The following UROS variants were observed in gnomAD, a reference collection of about 807,000 sequenced individuals.
The protein encoded by UROS is uroporphyrinogen III synthase, also known as uroporphyrinogen-III synthase.
In UROS, 18 loss-of-function variants were observed where a neutral mutation model predicts 33.0. The observed-to-expected ratio is 0.55, with a 90% CI of 0.38 to 0.81. The LOEUF (loss-of-function observed/expected upper bound fraction) is 0.81. Among genes scored for constraint, UROS ranks in the 30% least tolerant of loss-of-function variants. The pLI is 0.00. For missense variants in UROS, 293 were observed against 314.9 expected (o/e 0.93, Z 0.53); for synonymous variants, 114 against 121.1 (o/e 0.94, Z 0.38).
chr10:125,807,515 T>TTTG, intron 5 of UROS, 28 bp from the exon 6 acceptor site: 1 of 1,574,934 alleles, frequency 6.3e-7, no homozygotes, highest in Non-Finnish European at 8.7e-7. Flanking sequence ...AATGTATTTC[T>TTTG]TAACACGGTT....
At chr10:125,817,859 A>C (rs1392274301) in intron 1 of UROS, among the ~76,000 whole-genome samples, 1 of 152,178 alleles carries the variant, frequency 6.6e-6, no homozygotes, top group East Asian at 1.9e-4. Context: ...TTGAATACGA[A>C]AATGTTTGGG....
Position 125,788,863 on chromosome 10 carries a change from C to A in UROS, c.*5G>T. On this transcript the variant is annotated 3_prime_UTR_variant, in exon 10 of 10. Coordinates refer to ENST00000368797, the MANE Select transcript of UROS (RefSeq NM_000375.3). ...GCTGCATGGGGCCAGCGCTAGGTGGCTGACTCAGCAGCAGCCATGGGGCTG... is the reference window on the plus strand; with the variant it reads ...GCTGCATGGGGCCAGCGCTAGGTGGATGACTCAGCAGCAGCCATGGGGCTG... 6.3e-7 allele frequency: 1 copy of A among 1,582,290 alleles called. No individual in the cohort carries two copies. Among genetic ancestry groups the A allele is most frequent in the Non-Finnish European group, 8.6e-7 (1 of 1,166,158 alleles).
chr10:125,814,960 G>C, intron 4 of UROS, 74 bp downstream of exon 4: 1 of 1,527,368 alleles, frequency 6.5e-7, no homozygotes, highest in South Asian at 1.2e-5. Flanking sequence ...AGCTGCTTCT[G>C]GAATTTAGTC....
At chr10:125,812,442 T>A (rs1005678776) in intron 4 of UROS, among the ~76,000 whole-genome samples, 154 bp from the exon 5 acceptor site, 2 of 152,262 alleles carry the variant, frequency 1.3e-5, no homozygotes, top group African/African-American at 4.8e-5. Flanking sequence ...AATTCCATTT[T>A]CACTTTGTTC....
At chr10:125,790,920 C>T (rs1311706896) in intron 9 of UROS, among the ~76,000 whole-genome samples, 1 of 151,610 alleles carries the variant, frequency 6.6e-6, no homozygotes, top group African/African-American at 2.4e-5. Context: ...GTGAAACCCC[C>T]ATCTCTACTA....
chr10:125,793,226 T>A (rs10901433), intron 9 of UROS: 47,076 of 151,776 alleles, frequency 0.31, 7,481 homozygotes, highest in East Asian at 0.4. Flanking sequence ...TATGCTCACT[T>A]TGAAAGAAGA....
intron 6 of UROS, among the ~76,000 whole-genome samples, chr10:125,798,862 C>T (rs1389279995): frequency 6.6e-6 from 1 of 152,156 alleles, no homozygotes; most frequent in Admixed American, 6.5e-5. Flanking sequence ...ATTTGAATGC[C>T]AATTTGCAAC....
intron 6 of UROS, among the ~76,000 whole-genome samples, chr10:125,804,446 C>A (rs1409619258): frequency 1.3e-5 from 2 of 152,196 alleles, no homozygotes; most frequent in Admixed American, 6.5e-5. Flanking sequence ...AAAATCAGTA[C>A]ACATAAGTGT....
At chr10:125,809,745 AAT>A (rs1442224041) in intron 5 of UROS, among the ~76,000 whole-genome samples, 1 of 151,934 alleles carries the variant, frequency 6.6e-6, no homozygotes, top group Non-Finnish European at 1.5e-5. Context: ...TTTTCAAATA[AAT>A]AGAGACAGGG....
chr10:125,816,527 T>A lies in UROS; in HGVS notation c.-26-2A>T. The A allele has an allele frequency of 6.2e-7, 1 of 1,614,174 alleles. No homozygotes were observed. Among genetic ancestry groups the A allele is most frequent in the Non-Finnish European group, 8.5e-7 (1 of 1,180,022 alleles). ...TTGCCTGGCAGTCCTTATAGGGCAC[T>A]GCGACAGAGCAAGGAAACAGATCTT... On this transcript the variant is annotated splice_acceptor_variant, in intron 1 of 9. Transcript: ENST00000368797. LOFTEE classifies it low-confidence loss of function (5UTR_SPLICE).
At chr10:125,803,993 C>T (rs1008688516) in intron 6 of UROS, among the ~76,000 whole-genome samples, 9 of 152,232 alleles carry the variant, frequency 5.9e-5, no homozygotes, top group Non-Finnish European at 1.0e-4. Context: ...GGAAATATTT[C>T]GTTTTCCTCC....
chr10:125,788,247 CT>C (rs1273490829), downstream of UROS, among the ~76,000 whole-genome samples: 1 of 152,230 alleles, frequency 6.6e-6, no homozygotes, highest in Non-Finnish European at 1.5e-5. Context: ...TTTCCAAAGC[CT>C]TTCTGCAGGG....
intron 8 of UROS, chr10:125,795,377 C>G: frequency 3.3e-6 from 1 of 300,824 alleles, no homozygotes; most frequent in Non-Finnish European, 6.4e-6. Context: ...AGCAAGCAGA[C>G]AAGCCTGCCT....
chr10:125,797,276 G>C (rs1280556888), intron 7 of UROS, among the ~76,000 whole-genome samples: 3 of 152,176 alleles, frequency 2.0e-5, no homozygotes. Context: ...GTTCCATGGA[G>C]AGCTTGCCTT....
rs758965466 is a variant in UROS, at chr10:125,816,461, G to A, written c.39C>T (p.Asp13=). The A allele has an allele frequency of 1.4e-5, 22 of 1,614,084 alleles. No homozygotes were observed. The South Asian group carries it at 2.4e-4, about 18-fold the overall frequency. Residue 13 remains aspartate, a synonymous_variant, in exon 2 of 10, where the codon GAC becomes GAT. Transcript: ENST00000368797. ...VLLLKDAKED[D]CGQDPYIREL... is the part of the protein sequence containing the mutation. ...CCCTGATATACGGATCCTGGCCACA[G>A]TCATCTTCCTTCGCATCCTTCAGTA...
At chr10:125,803,468 C>T (rs1413905975) in intron 6 of UROS, among the ~76,000 whole-genome samples, 1 of 152,210 alleles carries the variant, frequency 6.6e-6, no homozygotes, top group African/African-American at 2.4e-5. Context: ...TGCTCTTAGA[C>T]TGCGATGGCT....
At chr10:125,804,064 T>A (rs1852098659) in intron 6 of UROS, among the ~76,000 whole-genome samples, 1 of 152,196 alleles carries the variant, frequency 6.6e-6, no homozygotes, top group South Asian at 2.1e-4. Context: ...GAGAGGAGCA[T>A]CTTTTGTTAT....
intron 9 of UROS, 101 bp from the exon 10 acceptor site, chr10:125,789,106 G>T: frequency 1.3e-6 from 2 of 1,485,878 alleles, no homozygotes; most frequent in Non-Finnish European, 1.9e-6. Context: ...CTTTGCGGTT[G>T]GACGTTACTG....
downstream of UROS, among the ~76,000 whole-genome samples, chr10:125,787,504 C>T (rs904038375): frequency 4.6e-5 from 7 of 152,218 alleles, no homozygotes; most frequent in East Asian, 7.8e-4. Context: ...ACCTGGAGAG[C>T]GTCTAACACC....
Sources: gnomAD v4.1 joint callset for allele counts (sites outside exome capture counted in the v4.1 genomes callset) on GRCh38, gnomAD v4.1.1 for gene constraint, MANE v1.5 for transcripts, NCBI Gene and HGNC (gene_info 2026-07-23, HGNC 2026-07-21) for gene names.